CADPS2: variants seen among roughly 807,000 people sequenced by gnomAD.
The protein encoded by CADPS2 is calcium-dependent secretion activator 2.
CADPS2 carries 93 observed loss-of-function variants against 172.5 expected under a neutral mutation model. That is an observed-to-expected ratio of 0.54 (90% confidence interval 0.46 to 0.64). The LOEUF (loss-of-function observed/expected upper bound fraction) is 0.64, where lower values mean the gene tolerates loss of function less well. Among genes scored for constraint, CADPS2 ranks in the 30% least tolerant of loss-of-function variants. CADPS2 has a pLI of 0.00. For synonymous variants in CADPS2, 546 were observed against 555.2 expected (o/e 0.98, Z 0.23); for missense variants, 1,420 against 1,565.9 (o/e 0.91, Z 1.57).
intron 1 of CADPS2, among the ~76,000 whole-genome samples, chr7:122,744,245 G>A (rs1161562968): frequency 1.3e-5 from 2 of 152,112 alleles, no homozygotes; most frequent in Non-Finnish European, 2.9e-5. Flanking sequence ...ATGGTGAGGT[G>A]GCAAGATAAA....
chr7:122,763,388 T>A (rs944969945), intron 1 of CADPS2, among the ~76,000 whole-genome samples: 3 of 152,052 alleles, frequency 2.0e-5, no homozygotes, highest in African/African-American at 7.2e-5. Flanking sequence ...AATCAGCAAA[T>A]AATGGCTAAA....
In CADPS2 at chr7:122,762,013, A is replaced by AT. The variant is rs1471392742; in HGVS notation, c.340-24946_340-24945insA. On this transcript the variant is annotated intron_variant, in intron 1 of 29. Transcript: ENST00000449022. ...CTCTGCCTCAAAAAAAAAAAAAAAA[A>AT]ATATATATATATATATACACACACA... 3.9e-3 allele frequency among the ~76,000 whole-genome samples: 385 copies of AT among 97,964 alleles called. 4 individuals are homozygous for AT. The highest frequency in any genetic ancestry group is 0.017 in the East Asian group (58 of 3,326). The allele number at this position is 97,964 out of a possible 152,430, so 64.3% of individuals were successfully genotyped here. A position where few individuals can be genotyped will look rare whatever the true frequency, so the allele number is the denominator to read the frequency against.
chr7:122,612,887 T>C (rs1587833925), intron 6 of CADPS2, among the ~76,000 whole-genome samples: 1 of 152,094 alleles, frequency 6.6e-6, no homozygotes, highest in South Asian at 2.1e-4. Context: ...AGAAACAAAT[T>C]CATGTATCTA....
At chr7:122,817,896 TA>T (rs1272953395) in intron 1 of CADPS2, among the ~76,000 whole-genome samples, 5 of 151,026 alleles carry the variant, frequency 3.3e-5, no homozygotes, top group African/African-American at 1.2e-4. Flanking sequence ...CCCAATCCCT[TA>T]TCTCTGTGCC....
chr7:122,709,190 T>G (rs920503712), intron 2 of CADPS2, among the ~76,000 whole-genome samples: 1 of 152,114 alleles, frequency 6.6e-6, no homozygotes, highest in East Asian at 1.9e-4. Flanking sequence ...TGGGACTCCA[T>G]CATTTCAAGA....
chr7:122,810,398 T>C lies in CADPS2; in HGVS notation c.340-73330A>G, dbSNP rs1452731988. Among the ~76,000 whole-genome samples the C allele has an allele frequency of 2.6e-5, 4 of 152,180 alleles. No homozygotes were observed. In the East Asian group the frequency reaches 7.7e-4, roughly 29 times the overall value. On this transcript the variant is annotated intron_variant, in intron 1 of 29. Coordinates refer to ENST00000449022, the MANE Select transcript of CADPS2 (RefSeq NM_017954.11). ...ACTGGTGTATGTCTTCCAGGTCATA[T>C]GTATGATTTTTATATTGCTCATAGC... is the stretch of plus-strand genomic sequence containing the variant.
chr7:122,817,322 C>G (rs889671299), intron 1 of CADPS2, among the ~76,000 whole-genome samples: 8 of 152,192 alleles, frequency 5.3e-5, no homozygotes, highest in South Asian at 2.1e-4. Flanking sequence ...AATTTTAAAT[C>G]AGGTAAGCGG....
intron 6 of CADPS2, among the ~76,000 whole-genome samples, chr7:122,586,896 G>A (rs542059407): frequency 6.6e-6 from 1 of 151,848 alleles, no homozygotes; most frequent in African/African-American, 2.4e-5. Flanking sequence ...CCAATACAGT[G>A]AGTGCTTTTA....
At chr7:122,774,187 A>G (rs2093795575) in intron 1 of CADPS2, among the ~76,000 whole-genome samples, 1 of 151,824 alleles carries the variant, frequency 6.6e-6, no homozygotes, top group African/African-American at 2.4e-5. Context: ...TTGAAAGTTG[A>G]TTTTGAAGTT....
At chr7:122,881,888 G>T (rs1167985104) in intron 1 of CADPS2, among the ~76,000 whole-genome samples, 1 of 152,110 alleles carries the variant, frequency 6.6e-6, no homozygotes, top group Non-Finnish European at 1.5e-5. Flanking sequence ...AAAAGTAAAA[G>T]ACCCTTTCAC....
intron 25 of CADPS2, among the ~76,000 whole-genome samples, chr7:122,365,414 A>C (rs2040723084): frequency 6.6e-6 from 1 of 152,180 alleles, no homozygotes; most frequent in South Asian, 2.1e-4. Flanking sequence ...CACCTAGTAG[A>C]AGAGCTACCT....
At chr7:122,390,517 A>G (rs1164845634) in intron 22 of CADPS2, among the ~76,000 whole-genome samples, 1 of 152,068 alleles carries the variant, frequency 6.6e-6, no homozygotes, top group Non-Finnish European at 1.5e-5. Flanking sequence ...AATGACAAGG[A>G]AAAACATCAT....
chr7:122,528,915 C>T (rs1193509819), intron 8 of CADPS2, among the ~76,000 whole-genome samples: 2 of 151,980 alleles, frequency 1.3e-5, no homozygotes, highest in African/African-American at 4.8e-5. Context: ...ACTTCACTTC[C>T]TTTTAACCTT....
intron 5 of CADPS2, among the ~76,000 whole-genome samples, chr7:122,617,697 G>A (rs2075081973): frequency 6.6e-6 from 1 of 152,164 alleles, no homozygotes; most frequent in Non-Finnish European, 1.5e-5. Context: ...ACCAAACATA[G>A]AGAAAGTCAT....
intron 13 of CADPS2, 123 bp downstream of exon 13, chr7:122,474,258 T>A: frequency 1.9e-6 from 2 of 1,044,038 alleles, no homozygotes; most frequent in Non-Finnish European, 2.8e-6. Context: ...ATTAAATGAG[T>A]CAGGAATAAA....
intron 2 of CADPS2, among the ~76,000 whole-genome samples, chr7:122,671,986 A>G (rs2135571113): frequency 6.6e-6 from 1 of 152,322 alleles, no homozygotes; most frequent in East Asian, 1.9e-4. Context: ...CCATATGAAA[A>G]GGGGAGGAAA....
At chr7:122,678,878 A>T (rs977723111) in intron 2 of CADPS2, among the ~76,000 whole-genome samples, 7 of 152,284 alleles carry the variant, frequency 4.6e-5, no homozygotes, top group Admixed American at 2.0e-4. Context: ...ATGGCAGAAC[A>T]TAAATTGTGA....
intron 24 of CADPS2, among the ~76,000 whole-genome samples, chr7:122,384,713 C>T (rs1022088884): frequency 5.3e-5 from 8 of 152,012 alleles, no homozygotes; most frequent in Non-Finnish European, 8.8e-5. Flanking sequence ...AACTAATTGT[C>T]TCTGGTGTGA....
intron 1 of CADPS2, among the ~76,000 whole-genome samples, chr7:122,839,225 T>C (rs1026373621): frequency 3.3e-5 from 5 of 152,200 alleles, no homozygotes; most frequent in Non-Finnish European, 7.3e-5. Flanking sequence ...TGGCTAGCCT[T>C]ATGTAGACAG....
Sources: gnomAD v4.1 joint callset for allele counts (sites outside exome capture counted in the v4.1 genomes callset) on GRCh38, gnomAD v4.1.1 for gene constraint, MANE v1.5 for transcripts, NCBI Gene and HGNC (gene_info 2026-07-23, HGNC 2026-07-21) for gene names.